Variants in SLIT2 observed in about 807,000 individuals in gnomAD.
SLIT2 encodes the protein slit guidance ligand 2.
A neutral mutation model predicts 185.7 loss-of-function variants in SLIT2; 41 were observed. The observed-to-expected ratio is 0.22, with a 90% CI of 0.17 to 0.29. SLIT2 has a LOEUF of 0.29. Among genes scored for constraint, SLIT2 ranks in the 10% least tolerant of loss-of-function variants. The probability of loss-of-function intolerance (pLI) is 1.00; values close to 1 mark genes in which losing one functional copy is unlikely to be tolerated. For missense variants in SLIT2, 1,571 were observed against 1,909.0 expected (o/e 0.82, Z 3.30); for synonymous variants, 693 against 680.2 (o/e 1.02, Z -0.29).
chr4:20,538,185 C>G (rs982626312), intron 18 of SLIT2, among the ~76,000 whole-genome samples: 12 of 152,176 alleles, frequency 7.9e-5, no homozygotes, highest in Non-Finnish European at 1.5e-4. Context: ...TGGTCTTGAT[C>G]TCCTGACCTC....
intron 18 of SLIT2, among the ~76,000 whole-genome samples, chr4:20,533,937 AC>A (rs1379790805): frequency 1.8e-5 from 1 of 56,304 alleles, no homozygotes; most frequent in Non-Finnish European, 3.7e-5. Flanking sequence ...TGTGTGTTAC[AC>A]ACACACACAC....
At chr4:20,405,020 A>G (rs1355474136) in intron 4 of SLIT2, among the ~76,000 whole-genome samples, 4 of 134,702 alleles carry the variant, frequency 3.0e-5, no homozygotes, top group African/African-American at 1.0e-4. Context: ...TTTTGAAGTG[A>G]GGGAGAAAGA....
intron 4 of SLIT2, among the ~76,000 whole-genome samples, chr4:20,315,792 A>C (rs1205400148): frequency 6.6e-6 from 1 of 152,090 alleles, no homozygotes; most frequent in African/African-American, 2.4e-5. Context: ...TCAGTCACTC[A>C]TTAATTGAAA....
chr4:20,533,379 A>T lies in SLIT2; in HGVS notation c.1689-193A>T. The T allele has an allele frequency of 5.2e-6, 3 of 581,784 alleles. No homozygotes were observed. In the South Asian group the frequency reaches 6.6e-5, roughly 13 times the overall value. The allele number at this position is 581,784 out of a possible 1,614,324, so 36.0% of individuals were successfully genotyped here. A position where few individuals can be genotyped will look rare whatever the true frequency, so the allele number is the denominator to read the frequency against. On this transcript the variant is annotated intron_variant, in intron 17 of 36. Coordinates refer to ENST00000504154, the MANE Select transcript of SLIT2 (RefSeq NM_004787.4). ...GAGTCACGCTGGCATTTTTTACCACAGACATTCCCTGTTAGTATTATTGTC... is the reference window on the plus strand; with the variant it reads ...GAGTCACGCTGGCATTTTTTACCACTGACATTCCCTGTTAGTATTATTGTC...
chr4:20,524,298 G>T, intron 14 of SLIT2, 121 bp downstream of exon 14: 1 of 837,378 alleles, frequency 1.2e-6, no homozygotes. Context: ...TTTTTCTTCT[G>T]CCCATGAATA....
chr4:20,458,869 A>G (rs538187332), intron 4 of SLIT2, among the ~76,000 whole-genome samples: 15 of 152,334 alleles, frequency 9.8e-5, no homozygotes, highest in Non-Finnish European at 1.6e-4. Flanking sequence ...AAACAATACA[A>G]TGTGTTCCCT....
chr4:20,529,396 C>T (rs1038387604), intron 16 of SLIT2, among the ~76,000 whole-genome samples: 1 of 151,970 alleles, frequency 6.6e-6, no homozygotes, highest in Non-Finnish European at 1.5e-5. Context: ...ATTATTTATT[C>T]CCAATTTGTT....
At chr4:20,567,491 C>G in intron 27 of SLIT2, 27 bp from the exon 28 acceptor site, 1 of 1,609,206 alleles carries the variant, frequency 6.2e-7, no homozygotes, top group Non-Finnish European at 8.5e-7. Flanking sequence ...CTACTTCACT[C>G]GACTATACTT....
intron 4 of SLIT2, among the ~76,000 whole-genome samples, chr4:20,385,188 C>G (rs939894687): frequency 2.0e-5 from 3 of 152,094 alleles, no homozygotes; most frequent in Admixed American, 1.3e-4. Context: ...GCCAACAGTC[C>G]TCTCTGGTCT....
At chr4:20,537,084 T>C (rs1256556558) in intron 18 of SLIT2, among the ~76,000 whole-genome samples, 1 of 152,222 alleles carries the variant, frequency 6.6e-6, no homozygotes, top group Non-Finnish European at 1.5e-5. Context: ...GAGGCTGTTT[T>C]ATAGTTAACT....
chr4:20,617,743 A>C, intron 36 of SLIT2, 93 bp downstream of exon 36: 2 of 851,050 alleles, frequency 2.4e-6, no homozygotes, highest in Non-Finnish European at 3.6e-6. Context: ...GAAAAAAAAA[A>C]AAAAAACAGG....
chr4:20,530,931 A>G (rs989131193), intron 16 of SLIT2, among the ~76,000 whole-genome samples: 2 of 151,870 alleles, frequency 1.3e-5, no homozygotes, highest in African/African-American at 4.8e-5. Context: ...CAAAACCACA[A>G]TGAGATACCA....
At chr4:20,311,839 GA>G (rs770853532) in intron 4 of SLIT2, among the ~76,000 whole-genome samples, 11 of 152,160 alleles carry the variant, frequency 7.2e-5, no homozygotes, top group Admixed American at 7.2e-4. Flanking sequence ...GTATTCAGAT[GA>G]AAATATATTG....
At chr4:20,558,519 T>C (rs982774836) in intron 26 of SLIT2, among the ~76,000 whole-genome samples, 2 of 152,114 alleles carry the variant, frequency 1.3e-5, no homozygotes, top group South Asian at 4.1e-4. Context: ...AAAATAACTT[T>C]TATATGCACT....
At chr4:20,483,274 G>A (rs897470915) in intron 6 of SLIT2, among the ~76,000 whole-genome samples, 1 of 151,990 alleles carries the variant, frequency 6.6e-6, no homozygotes, top group Non-Finnish European at 1.5e-5. Flanking sequence ...GGATATATAT[G>A]AGCGTACAAA....
At chr4:20,409,257 G>T (rs185616909) in intron 4 of SLIT2, among the ~76,000 whole-genome samples, 1 of 152,090 alleles carries the variant, frequency 6.6e-6, no homozygotes, top group African/African-American at 2.4e-5. Context: ...TGTGTGTGTT[G>T]TTCCCCACCA....
At chr4:20,492,081 G>A (rs1717833568) in intron 9 of SLIT2, among the ~76,000 whole-genome samples, 182 bp downstream of exon 9, 1 of 152,188 alleles carries the variant, frequency 6.6e-6, no homozygotes, top group Admixed American at 6.5e-5. Context: ...TAAAGTGGCT[G>A]TGATGTTTTT....
chr4:20,344,109 A>G (rs1191209093), intron 4 of SLIT2, among the ~76,000 whole-genome samples: 1 of 152,186 alleles, frequency 6.6e-6, no homozygotes. Context: ...TCGGACTCCC[A>G]AAGTGTGGGA....
At chr4:20,305,183 T>C (rs548574599) in intron 4 of SLIT2, among the ~76,000 whole-genome samples, 2 of 152,272 alleles carry the variant, frequency 1.3e-5, no homozygotes, top group Admixed American at 6.5e-5. Context: ...GCTTTTTATT[T>C]TTGCTTTTGG....
Sources: gnomAD v4.1 joint callset for allele counts (sites outside exome capture counted in the v4.1 genomes callset) on GRCh38, gnomAD v4.1.1 for gene constraint, MANE v1.5 for transcripts, NCBI Gene and HGNC (gene_info 2026-07-23, HGNC 2026-07-21) for gene names.